The following BNC2 variants were observed in gnomAD, a reference collection of about 807,000 sequenced individuals.
BNC2 encodes the protein zinc finger protein basonuclin-2.
A neutral mutation model predicts 76.3 loss-of-function variants in BNC2; 20 were observed. That is an observed-to-expected ratio of 0.26 (90% CI 0.18 to 0.38). BNC2 has a LOEUF of 0.38. BNC2 is among the 10% of genes least tolerant of loss of function. The pLI is 1.00. For missense variants in BNC2, 1,382 were observed against 1,399.8 expected, an observed-to-expected ratio of 0.99 and a Z score of 0.20; for synonymous variants, 582 against 514.8, an observed-to-expected ratio of 1.13 and a Z score of -1.77.
intron 3 of BNC2, among the ~76,000 whole-genome samples, chr9:16,726,128 G>C (rs1824311647): frequency 6.6e-6 from 1 of 152,302 alleles, no homozygotes; most frequent in Admixed American, 6.5e-5. Context: ...ACACGCGAGA[G>C]CCACCCAGGC....
intron 1 of BNC2, among the ~76,000 whole-genome samples, chr9:16,797,150 AT>A (rs141336599): frequency 1.5e-4 from 23 of 151,580 alleles, no homozygotes; most frequent in Admixed American, 7.2e-4. Context: ...CTTAATATAG[AT>A]TTTTTTTTAC....
chr9:16,798,028 G>T (rs371847503), intron 1 of BNC2, among the ~76,000 whole-genome samples: 1 of 152,080 alleles, frequency 6.6e-6, no homozygotes, highest in African/African-American at 2.4e-5. Context: ...GTTCACCCTG[G>T]GCATTCCTGC....
At chr9:16,529,851 T>A (rs7862214) in intron 5 of BNC2, among the ~76,000 whole-genome samples, 1 of 152,132 alleles carries the variant, frequency 6.6e-6, no homozygotes, top group African/African-American at 2.4e-5. Context: ...TTTAGTTTTA[T>A]TTTTTATTTA....
chr9:16,689,698 G>C (rs2134398843), intron 3 of BNC2, among the ~76,000 whole-genome samples: 1 of 151,594 alleles, frequency 6.6e-6, no homozygotes, highest in South Asian at 2.1e-4. Flanking sequence ...CCATCAGAGT[G>C]CTCCTCAGAG....
chr9:16,629,714 G>C (rs1821105227), intron 3 of BNC2, among the ~76,000 whole-genome samples: 1 of 152,080 alleles, frequency 6.6e-6, no homozygotes, highest in Non-Finnish European at 1.5e-5. Context: ...CGATGCTGTA[G>C]TCTATTAAGT....
intron 1 of BNC2, among the ~76,000 whole-genome samples, chr9:16,795,747 C>T (rs1437388152): frequency 6.6e-6 from 1 of 152,074 alleles, no homozygotes; most frequent in African/African-American, 2.4e-5. Flanking sequence ...TTATAGGAAC[C>T]AAGACTTTTA....
intron 4 of BNC2, among the ~76,000 whole-genome samples, chr9:16,553,761 G>C (rs1379216727): frequency 6.6e-6 from 1 of 152,084 alleles, no homozygotes; most frequent in African/African-American, 2.4e-5. Context: ...ATAAATTCCA[G>C]TCCCCATCCA....
chr9:16,419,599 T>C lies in BNC2; in HGVS notation c.2690A>G (p.Asp897Gly), dbSNP rs1563774667. ...LHRKLLTKEL[D>G]DMGLDSSQPS... ...CTGCGACGAGTCCAGGCCCATGTCATCGAGTTCTTTGGTCAACAGTTTACG... is the reference window on the plus strand; with the variant it reads ...CTGCGACGAGTCCAGGCCCATGTCACCGAGTTCTTTGGTCAACAGTTTACG... The change falls in exon 7 of 7, where the codon GAT (aspartate) becomes GGT (glycine). Residue 897 changes from aspartate (D) to glycine (G), a missense_variant. This residue lies in a region of BNC2 where 798 missense variants were observed against 775.5 expected (regional missense o/e 1.03). Transcript: ENST00000380672. The C allele has an allele frequency of 1.3e-6, 2 of 1,585,616 alleles. No homozygotes were observed. The highest frequency in any genetic ancestry group is 1.7e-6 in the Non-Finnish European group (2 of 1,165,054).
At chr9:16,737,183 G>A (rs1482089758) in intron 2 of BNC2, among the ~76,000 whole-genome samples, 1 of 149,532 alleles carries the variant, frequency 6.7e-6, no homozygotes, top group Non-Finnish European at 1.5e-5. Flanking sequence ...TAGCTCACTG[G>A]AACCTCAAAC....
chr9:16,782,758 C>T (rs1029089526), intron 1 of BNC2, among the ~76,000 whole-genome samples: 2 of 152,180 alleles, frequency 1.3e-5, no homozygotes, highest in Non-Finnish European at 2.9e-5. Context: ...CCCTACCAGA[C>T]TCTAAGATAC....
chr9:16,762,149 A>T (rs913323881), intron 1 of BNC2, among the ~76,000 whole-genome samples: 4 of 152,148 alleles, frequency 2.6e-5, no homozygotes, highest in Non-Finnish European at 5.9e-5. Flanking sequence ...CTGGAAGGTG[A>T]GCGTTGATCC....
intron 5 of BNC2, among the ~76,000 whole-genome samples, chr9:16,540,292 G>T (rs1818279787): frequency 6.6e-6 from 1 of 151,674 alleles, no homozygotes; most frequent in African/African-American, 2.4e-5. Flanking sequence ...ATACTAGGGG[G>T]AATTTAGACT....
At chr9:16,569,598 G>A (rs1026435264) in intron 4 of BNC2, among the ~76,000 whole-genome samples, 6 of 152,074 alleles carry the variant, frequency 3.9e-5, no homozygotes, top group Admixed American at 6.6e-5. Context: ...TTCACCACTC[G>A]GTTGTTCAGA....
chr9:16,810,391 T>C (rs1001325573), intron 1 of BNC2, among the ~76,000 whole-genome samples: 5 of 152,196 alleles, frequency 3.3e-5, no homozygotes, highest in Non-Finnish European at 2.9e-5. Flanking sequence ...AGACCAGTCC[T>C]CACCTGGATA....
At chr9:16,430,096 G>A (rs1056978112) in intron 6 of BNC2, 34 of 452,606 alleles carry the variant, frequency 7.5e-5, no homozygotes, top group South Asian at 2.8e-4. Context: ...TCAGGAGGGG[G>A]ATGTATTTTG....
At chr9:16,822,138 C>A (rs1818351668) in intron 1 of BNC2, among the ~76,000 whole-genome samples, 1 of 149,362 alleles carries the variant, frequency 6.7e-6, no homozygotes, top group South Asian at 2.1e-4. Flanking sequence ...TAGTGACATG[C>A]CCGTAATCCC....
intron 3 of BNC2, among the ~76,000 whole-genome samples, chr9:16,631,055 A>G (rs1821147539): frequency 6.6e-6 from 1 of 152,108 alleles, no homozygotes; most frequent in African/African-American, 2.4e-5. Context: ...TTTTCTTAAA[A>G]TCAAAAATTG....
At chr9:16,559,230 C>G (rs774099694) in intron 4 of BNC2, among the ~76,000 whole-genome samples, 1 of 152,022 alleles carries the variant, frequency 6.6e-6, no homozygotes, top group Admixed American at 6.5e-5. Flanking sequence ...GCTTTGAATG[C>G]GGCCCAATAC....
chr9:16,809,732 C>A (rs1035512094), intron 1 of BNC2, among the ~76,000 whole-genome samples: 1 of 151,980 alleles, frequency 6.6e-6, no homozygotes, highest in Non-Finnish European at 1.5e-5. Flanking sequence ...GAGCTGAGAG[C>A]ACACCACTGC....
Sources: gnomAD v4.1 joint callset for allele counts (sites outside exome capture counted in the v4.1 genomes callset) on GRCh38, gnomAD v4.1.1 for gene constraint, gnomAD v4.1.1 regional missense constraint, MANE v1.5 for transcripts, NCBI Gene and HGNC (gene_info 2026-07-23, HGNC 2026-07-21) for gene names.